Variants in RORB observed in about 807,000 individuals in gnomAD.
RORB encodes nuclear receptor ROR-beta.
Under a neutral mutation model 59.1 loss-of-function variants are expected in RORB, and 6 were observed. The observed-to-expected ratio is 0.10, with a 90% CI of 0.06 to 0.20. The LOEUF (loss-of-function observed/expected upper bound fraction) is 0.20. Among genes scored for constraint, RORB ranks in the 10% least tolerant of loss-of-function variants. RORB has a pLI of 1.00. For synonymous variants in RORB, 215 were observed against 204.5 expected (o/e 1.05, Z -0.44); for missense variants, 320 against 560.5 (o/e 0.57, Z 4.33).
intron 1 of RORB, among the ~76,000 whole-genome samples, chr9:74,625,457 T>C (rs1823495868): frequency 6.6e-6 from 1 of 151,954 alleles, no homozygotes; most frequent in Non-Finnish European, 1.5e-5. Flanking sequence ...CTACAAAAAA[T>C]GTAAAAATTA....
chr9:74,552,837 C>T (rs1039908327), intron 1 of RORB, among the ~76,000 whole-genome samples: 5 of 151,974 alleles, frequency 3.3e-5, no homozygotes, highest in Non-Finnish European at 7.4e-5. Flanking sequence ...ATAATAAGTG[C>T]TATGCCGTTA....
At chr9:74,681,335 C>G (rs1168306429) in intron 9 of RORB, among the ~76,000 whole-genome samples, 2 of 152,236 alleles carry the variant, frequency 1.3e-5, no homozygotes, top group Non-Finnish European at 2.9e-5. Context: ...CTTCTGGGCT[C>G]TGACAAGTGC....
At chr9:74,615,505 G>T (rs141629142) in intron 1 of RORB, 4,225 of 357,952 alleles carry the variant, frequency 0.012, 49 homozygotes, top group Non-Finnish European at 0.018. Flanking sequence ...CAGCCTGTTG[G>T]GATTGAAGTT....
chr9:74,604,194 T>C (rs1482352438), intron 1 of RORB, among the ~76,000 whole-genome samples: 1 of 152,252 alleles, frequency 6.6e-6, no homozygotes, highest in Non-Finnish European at 1.5e-5. Flanking sequence ...GGTTGATTCA[T>C]TTTTTGAATA....
chr9:74,649,756 G>A (rs1823962827), intron 4 of RORB, among the ~76,000 whole-genome samples: 1 of 152,110 alleles, frequency 6.6e-6, no homozygotes, highest in African/African-American at 2.4e-5. Flanking sequence ...CTCAATTCAA[G>A]TACTCATAGA....
chr9:74,638,855 C>T (rs888095420), intron 3 of RORB, among the ~76,000 whole-genome samples: 1 of 152,134 alleles, frequency 6.6e-6, no homozygotes, highest in African/African-American at 2.4e-5. Context: ...AATAGTATTA[C>T]AGTCATTGTC....
At chr9:74,661,936 C>T (rs1197376432) in intron 5 of RORB, among the ~76,000 whole-genome samples, 3 of 150,776 alleles carry the variant, frequency 2.0e-5, no homozygotes, top group Non-Finnish European at 4.4e-5. Flanking sequence ...TGAGCCACCG[C>T]GCCCGGCCTC....
intron 5 of RORB, 88 bp downstream of exon 5, chr9:74,660,826 G>C (rs931465637): frequency 7.3e-7 from 1 of 1,370,120 alleles, no homozygotes; most frequent in Non-Finnish European, 9.9e-7. Flanking sequence ...GTTGCACTGG[G>C]CAATTCTTTT....
At chr9:74,595,140 C>G (rs1822952411) in intron 1 of RORB, among the ~76,000 whole-genome samples, 1 of 152,196 alleles carries the variant, frequency 6.6e-6, no homozygotes, top group African/African-American at 2.4e-5. Flanking sequence ...TTCCATAATG[C>G]AGTCAGGTTA....
At chr9:74,568,983 A>G (rs1351065014) in intron 1 of RORB, among the ~76,000 whole-genome samples, 1 of 152,082 alleles carries the variant, frequency 6.6e-6, no homozygotes, top group Non-Finnish European at 1.5e-5. Context: ...CTAAGAAAAC[A>G]TAATATGTTT....
At chr9:74,548,815 T>C (rs1826543984) in intron 1 of RORB, among the ~76,000 whole-genome samples, 1 of 152,242 alleles carries the variant, frequency 6.6e-6, no homozygotes, top group African/African-American at 2.4e-5. Context: ...AATTTAGTAT[T>C]CTACTCTTTT....
Position 74,630,453 on chromosome 9 carries a change from G to C in RORB, c.93+86G>C, listed in dbSNP as rs976251336. 6 of 1,013,270 alleles carry C rather than the reference G, an allele frequency of 5.9e-6. No individual in the cohort carries two copies. The African/African-American group carries it at 6.5e-5, about 11-fold the overall frequency. 62.8% of individuals were successfully genotyped at this position (1,013,270 alleles called of 1,614,324 possible). The stretch of plus-strand genomic sequence containing the variant: ...GATGCGGTGACACGTTTTTAAGGAA[G>C]GCTGGCTAAAGGATCCTTCTGCCTG... On this transcript the variant is annotated intron_variant, in intron 2 of 9. Transcript: ENST00000376896.
At chr9:74,645,302 C>T (rs543502790) in intron 4 of RORB, among the ~76,000 whole-genome samples, 4 of 152,146 alleles carry the variant, frequency 2.6e-5, no homozygotes, top group South Asian at 4.2e-4. Context: ...TTTCCTGCAC[C>T]GTCCAAAACA....
intron 1 of RORB, among the ~76,000 whole-genome samples, chr9:74,510,361 C>T (rs1825919961): frequency 6.6e-6 from 1 of 152,152 alleles, no homozygotes. Flanking sequence ...ATCTTCTTTG[C>T]TTGCTCCATT....
chr9:74,530,671 G>A (rs977538198), intron 1 of RORB, among the ~76,000 whole-genome samples: 4 of 151,942 alleles, frequency 2.6e-5, no homozygotes, highest in Non-Finnish European at 2.9e-5. Context: ...TCAAGGTGGC[G>A]TTGTTTCTAA....
At chr9:74,628,256 TGTATACTTA>T (rs1563957528) in intron 1 of RORB, among the ~76,000 whole-genome samples, 1 of 151,974 alleles carries the variant, frequency 6.6e-6, no homozygotes, top group Non-Finnish European at 1.5e-5. Context: ...TGAATAGAAA[TGTATACTTA>T]GTCTCATAAG....
intron 3 of RORB, among the ~76,000 whole-genome samples, chr9:74,640,433 C>CTCTG (rs1554672136): frequency 4.0e-5 from 6 of 148,330 alleles, no homozygotes; most frequent in Non-Finnish European, 8.9e-5. Context: ...TCGGCTAATT[C>CTCTG]TGTGTGTGTG....
Position 74,634,687 on chromosome 9 carries a change from A to G in RORB, c.150A>G (p.Arg50=), listed in dbSNP as rs1823673937. Residue 50 remains arginine (R), a synonymous_variant, in exon 3 of 10, where the codon AGA becomes AGG. Transcript: ENST00000376896. ...CTTCTTATTCCTGCCCAAGGCAGAGAAACTGTTTAATTGACAGAACGAACA... is the reference window on the plus strand; with the variant it reads ...CTTCTTATTCCTGCCCAAGGCAGAGGAACTGTTTAATTGACAGAACGAACA... ...NNASYSCPRQ[R]NCLIDRTNRN... The G allele has an allele frequency of 1.9e-6, 3 of 1,613,580 alleles. No homozygotes were observed. Among genetic ancestry groups the G allele is most frequent in the East Asian group, 2.2e-5 (1 of 44,880 alleles).
chr9:74,613,644 G>A lies in RORB; in HGVS notation c.8-16638G>A, dbSNP rs546669271. 5.9e-5 allele frequency among the ~76,000 whole-genome samples: 9 copies of A among 152,264 alleles called. No individual in the cohort carries two copies. The South Asian group carries it at 1.9e-3, about 32-fold the overall frequency. On this transcript the variant is annotated intron_variant, in intron 1 of 9. Transcript: ENST00000376896. Reference sequence around the variant, plus strand: ...TAAGCTCTCTGGGTTATTCCAATGGGCATCCACAGCTGAGAACCACTAAGT... The same window carrying A: ...TAAGCTCTCTGGGTTATTCCAATGGACATCCACAGCTGAGAACCACTAAGT...
Sources: gnomAD v4.1 joint callset for allele counts (sites outside exome capture counted in the v4.1 genomes callset) on GRCh38, gnomAD v4.1.1 for gene constraint, MANE v1.5 for transcripts, NCBI Gene and HGNC (gene_info 2026-07-23, HGNC 2026-07-21) for gene names.